Variants in MTRF1 observed in about 807,000 individuals in gnomAD.
MTRF1 encodes peptide chain release factor 1, mitochondrial.
MTRF1 carries 51 observed loss-of-function variants against 62.9 expected under a neutral mutation model. The ratio of observed to expected loss-of-function variants is 0.81; its 90% CI spans 0.65 to 1.02. The LOEUF (loss-of-function observed/expected upper bound fraction) is 1.02. Among genes scored for constraint, MTRF1 ranks in the 50% least tolerant of loss-of-function variants. MTRF1 has a pLI of 0.00. For synonymous variants in MTRF1, 158 were observed against 181.9 expected, an observed-to-expected ratio of 0.87 and a Z score of 1.06; for missense variants, 446 against 530.0, an observed-to-expected ratio of 0.84 and a Z score of 1.56.
intron 8 of MTRF1, among the ~76,000 whole-genome samples, chr13:41,224,899 C>T (rs1274594464): frequency 6.6e-6 from 1 of 152,140 alleles, no homozygotes; most frequent in East Asian, 1.9e-4. Flanking sequence ...TAAAGCCAAT[C>T]TTGAATACCT....
At chr13:41,222,196 T>C (rs1304834531) in intron 9 of MTRF1, among the ~76,000 whole-genome samples, 2 of 152,190 alleles carry the variant, frequency 1.3e-5, no homozygotes, top group African/African-American at 4.8e-5. Context: ...CTTTTCCACA[T>C]AGTCCTTTAT....
chr13:41,271,869 T>C, the MTRF1 span, among the ~76,000 whole-genome samples: 2 of 152,180 alleles, frequency 1.3e-5, no homozygotes, highest in African/African-American at 2.4e-5. Context: ...ACAAGCTGAA[T>C]TGAGATCAAC....
the MTRF1 span, among the ~76,000 whole-genome samples, chr13:41,273,188 T>A: frequency 6.6e-6 from 1 of 151,394 alleles, no homozygotes; most frequent in Non-Finnish European, 1.5e-5. Flanking sequence ...TAGCTGGGCG[T>A]GGTGGTGGGC....
Position 41,249,619 on chromosome 13 carries a change from C to CTTTT in MTRF1, c.697+3022_697+3025dup, listed in dbSNP as rs1166204914. Among the ~76,000 whole-genome samples the CTTTT allele has an allele frequency of 8.5e-3, 525 of 61,554 alleles. 20 individuals carry two copies. Among genetic ancestry groups the CTTTT allele is most frequent in the Middle Eastern group, 0.017 (1 of 60 alleles). The allele number at this position is 61,554 out of a possible 152,430, so 40.4% of individuals were successfully genotyped here. A position where few individuals can be genotyped will look rare whatever the true frequency, so the allele number is the denominator to read the frequency against. ...TATTCTTAGTCTTTGATTTTTTTTT[C>CTTTT]TTTTTTTTTTTTTTTTTTTTTTTTT... On this transcript the variant is annotated intron_variant, in intron 5 of 9. Transcript: ENST00000379480.
intron 7 of MTRF1, among the ~76,000 whole-genome samples, chr13:41,227,169 C>T (rs954761229): frequency 3.3e-5 from 5 of 151,962 alleles, no homozygotes; most frequent in Non-Finnish European, 7.4e-5. Flanking sequence ...TGCCTGTAGT[C>T]CCAGCTACTT....
the MTRF1 span, among the ~76,000 whole-genome samples, chr13:41,272,844 A>G: frequency 6.6e-6 from 1 of 152,184 alleles, no homozygotes; most frequent in Non-Finnish European, 1.5e-5. Flanking sequence ...AAAATGCCAA[A>G]AAAAGGCAGG....
At chr13:41,250,791 T>A (rs1279674668) in intron 5 of MTRF1, among the ~76,000 whole-genome samples, 1 of 152,190 alleles carries the variant, frequency 6.6e-6, no homozygotes, top group Non-Finnish European at 1.5e-5. Flanking sequence ...TCTAAGTGGA[T>A]GCTCACTATA....
At chr13:41,280,538 T>C in the MTRF1 span, among the ~76,000 whole-genome samples, 2 of 152,094 alleles carry the variant, frequency 1.3e-5, no homozygotes, top group African/African-American at 4.8e-5. Context: ...TCAGAATAAA[T>C]CTCTTAAAAT....
At chr13:41,275,362 G>A in the MTRF1 span, among the ~76,000 whole-genome samples, 8 of 151,912 alleles carry the variant, frequency 5.3e-5, no homozygotes, top group Admixed American at 2.0e-4. Flanking sequence ...CACCATGCCC[G>A]GCTAATTTGT....
intron 6 of MTRF1, among the ~76,000 whole-genome samples, chr13:41,237,779 C>T (rs1050069342): frequency 7.2e-5 from 11 of 152,138 alleles, no homozygotes; most frequent in Admixed American, 6.6e-4. Context: ...GGATTACAGG[C>T]GTGAGCCACC....
intron 5 of MTRF1, among the ~76,000 whole-genome samples, chr13:41,251,377 TATTA>T (rs1383597960): frequency 6.6e-6 from 1 of 152,214 alleles, no homozygotes; most frequent in East Asian, 1.9e-4. Context: ...ATCATATTCT[TATTA>T]ATGCAATTTT....
chr13:41,273,066 T>C, the MTRF1 span, among the ~76,000 whole-genome samples: 2,208 of 152,056 alleles, frequency 0.015, 27 homozygotes, highest in Middle Eastern at 0.027. Context: ...GTGGCTCACG[T>C]CTGTAATCCC....
the MTRF1 span, among the ~76,000 whole-genome samples, chr13:41,285,994 G>A: frequency 3.1e-3 from 475 of 151,140 alleles, 1 homozygote; most frequent in African/African-American, 0.01. Context: ...AACCCAGGAG[G>A]CGGATGTTGC....
At chr13:41,286,761 C>G in the MTRF1 span, among the ~76,000 whole-genome samples, 1 of 152,148 alleles carries the variant, frequency 6.6e-6, no homozygotes, top group African/African-American at 2.4e-5. Flanking sequence ...TTAGCCAAAG[C>G]TGGTCAATTT....
At chr13:41,234,416 C>T (rs562605039) in intron 6 of MTRF1, among the ~76,000 whole-genome samples, 3 of 152,224 alleles carry the variant, frequency 2.0e-5, no homozygotes, top group East Asian at 3.9e-4. Flanking sequence ...TGGCCTCAAG[C>T]GATCCTCCCA....
At chr13:41,276,819 C>A in the MTRF1 span, among the ~76,000 whole-genome samples, 15 of 152,120 alleles carry the variant, frequency 9.9e-5, no homozygotes, top group Non-Finnish European at 1.6e-4. Context: ...TTCCAAAGGT[C>A]CTACAGATAA....
chr13:41,251,667 T>C (rs2039074376), intron 5 of MTRF1, among the ~76,000 whole-genome samples: 1 of 152,184 alleles, frequency 6.6e-6, no homozygotes, highest in African/African-American at 2.4e-5. Context: ...TTCCCTTTAC[T>C]GCTCAACTTA....
chr13:41,289,430 G>A, the MTRF1 span, among the ~76,000 whole-genome samples: 1 of 151,980 alleles, frequency 6.6e-6, no homozygotes, highest in African/African-American at 2.4e-5. Flanking sequence ...TAGAGATGGG[G>A]TTTTGCCATA....
chr13:41,283,705 T>C, the MTRF1 span, among the ~76,000 whole-genome samples: 1 of 145,600 alleles, frequency 6.9e-6, no homozygotes, highest in Admixed American at 7.1e-5. Context: ...TTCTCCTGCC[T>C]CAGCCTCCCG....
Sources: allele counts gnomAD v4.1 joint callset (sites outside exome capture counted in the v4.1 genomes callset), GRCh38; gene constraint gnomAD v4.1.1; transcripts MANE v1.5; gene names NCBI Gene and HGNC (gene_info 2026-07-23, HGNC 2026-07-21).